The following CAMTA1 variants were observed in gnomAD, a reference collection of about 807,000 sequenced individuals.
CAMTA1 encodes the protein calmodulin binding transcription activator 1, also known as calmodulin-binding transcription activator 1.
In CAMTA1, 27 loss-of-function variants were observed where a neutral mutation model predicts 170.9. That is an observed-to-expected ratio of 0.16 (90% CI 0.12 to 0.22). The LOEUF (loss-of-function observed/expected upper bound fraction) is 0.22. CAMTA1 is among the 10% of genes least tolerant of loss of function. CAMTA1 has a pLI of 1.00. For synonymous variants in CAMTA1, 833 were observed against 891.5 expected, an observed-to-expected ratio of 0.93 and a Z score of 1.17; for missense variants, 1,619 against 2,217.2, an observed-to-expected ratio of 0.73 and a Z score of 5.42.
chr1:7,519,969 C>A (rs2094338697), intron 6 of CAMTA1, among the ~76,000 whole-genome samples: 1 of 151,258 alleles, frequency 6.6e-6, no homozygotes, highest in Admixed American at 6.6e-5. Flanking sequence ...GGCCCACAGT[C>A]CACAGCACCA....
intron 1 of CAMTA1, among the ~76,000 whole-genome samples, chr1:6,816,715 G>A (rs568654333): frequency 1.5e-3 from 227 of 152,264 alleles, no homozygotes; most frequent in African/African-American, 5.3e-3. Flanking sequence ...GTGAGTGGTG[G>A]ACTGGAACAC....
rs1006841193 is a variant in CAMTA1, at chr1:7,636,157, C to G, written c.511-4243C>G. ...TGGAGGCTCCCGGGAAGGGACCCCC[C>G]ACCCCCGGTGTTGGGCAGGTGCCCT... On this transcript the variant is annotated intron_variant, in intron 6 of 22. Coordinates refer to ENST00000303635, the MANE Select transcript of CAMTA1 (RefSeq NM_015215.4). 6.6e-5 allele frequency among the ~76,000 whole-genome samples: 10 copies of G among 151,812 alleles called. No homozygotes were observed. The East Asian group carries it at 1.9e-3, about 29-fold the overall frequency.
chr1:7,531,381 G>A (rs1423878553), intron 6 of CAMTA1, among the ~76,000 whole-genome samples: 1 of 152,186 alleles, frequency 6.6e-6, no homozygotes, highest in African/African-American at 2.4e-5. Flanking sequence ...CAGACTCGCT[G>A]GGGGTTCCAT....
At chr1:7,310,646 T>TTTC (rs1676402351) in intron 5 of CAMTA1, among the ~76,000 whole-genome samples, 1 of 30,222 alleles carries the variant, frequency 3.3e-5, no homozygotes, top group African/African-American at 1.2e-4. Context: ...CTTTCTTTCT[T>TTTC]TTTTCTTTCT....
chr1:7,331,991 TC>T (rs1285765125), intron 5 of CAMTA1, among the ~76,000 whole-genome samples: 1 of 152,140 alleles, frequency 6.6e-6, no homozygotes, highest in Non-Finnish European at 1.5e-5. Flanking sequence ...AAGATTGGCT[TC>T]CCCCACAACA....
intron 4 of CAMTA1, among the ~76,000 whole-genome samples, chr1:7,132,405 G>T (rs952846506): frequency 6.6e-5 from 10 of 152,200 alleles, no homozygotes; most frequent in African/African-American, 2.4e-4. Flanking sequence ...CTCCTGGGTA[G>T]CTAGGACTAC....
In CAMTA1 at chr1:7,674,816, G is replaced by A. The variant is rs1267263398; in HGVS notation, c.2780-2783G>A. 6.6e-6 allele frequency among the ~76,000 whole-genome samples: 1 copy of A among 152,014 alleles called. No homozygotes were observed. The highest frequency in any genetic ancestry group is 1.5e-5 in the Non-Finnish European group (1 of 68,008). Reference sequence around the variant, plus strand: ...ACAAACAAACAAAAACAACAAATGAGGTGTAGAATTGGGTTTCAAAACAAT... The same window carrying A: ...ACAAACAAACAAAAACAACAAATGAAGTGTAGAATTGGGTTTCAAAACAAT... On this transcript the variant is annotated intron_variant, in intron 10 of 22. Coordinates refer to ENST00000303635, the MANE Select transcript of CAMTA1 (RefSeq NM_015215.4). This position sits in a 1 kb window ranked among gnomAD's most constrained non-coding sequence, Gnocchi z 4.1.
chr1:7,208,342 A>G (rs1658137725), intron 4 of CAMTA1, among the ~76,000 whole-genome samples: 1 of 152,256 alleles, frequency 6.6e-6, no homozygotes, highest in Non-Finnish European at 1.5e-5. Context: ...AAATTCTGCA[A>G]TGATCAGGTC....
intron 6 of CAMTA1, among the ~76,000 whole-genome samples, chr1:7,632,848 C>T (rs533012095): frequency 2.0e-5 from 3 of 152,376 alleles, no homozygotes; most frequent in South Asian, 2.1e-4. Flanking sequence ...GGGCTGATTG[C>T]GCACGCCCAG....
chr1:7,069,290 A>G (rs546788999), intron 3 of CAMTA1, among the ~76,000 whole-genome samples: 84 of 152,324 alleles, frequency 5.5e-4, no homozygotes, highest in African/African-American at 1.9e-3. Context: ...AGACCCTCCA[A>G]GGACAAATAT....
At chr1:6,814,523 G>C (rs900816480) in intron 1 of CAMTA1, among the ~76,000 whole-genome samples, 2 of 152,152 alleles carry the variant, frequency 1.3e-5, no homozygotes, top group East Asian at 3.9e-4. Flanking sequence ...AGCACAGGCA[G>C]CAGAGCCACT....
chr1:7,239,986 TA>T (rs1471359403), intron 4 of CAMTA1, among the ~76,000 whole-genome samples: 1 of 152,168 alleles, frequency 6.6e-6, no homozygotes, highest in African/African-American at 2.4e-5. Flanking sequence ...ATTCATGACC[TA>T]ATCACCTCTT....
rs577991850 is a variant in CAMTA1 at position 7,565,804 on chromosome 1, C to T, written c.511-74596C>T. Among the ~76,000 whole-genome samples, 1 of 152,288 alleles carries T rather than the reference C, an allele frequency of 6.6e-6. No homozygotes were observed. Among genetic ancestry groups the T allele is most frequent in the East Asian group, 1.9e-4 (1 of 5,172 alleles). On this transcript the variant is annotated intron_variant, in intron 6 of 22. Coordinates refer to ENST00000303635, the MANE Select transcript of CAMTA1 (RefSeq NM_015215.4). This position sits in a 1 kb window ranked among gnomAD's most constrained non-coding sequence, Gnocchi z 4.5. ...GGGTGGCTTAAACAGTAGACATTTACACTCTCACAGTTCTGGAAGCTGGAG... is the reference window on the plus strand; with the variant it reads ...GGGTGGCTTAAACAGTAGACATTTATACTCTCACAGTTCTGGAAGCTGGAG...
intron 5 of CAMTA1, among the ~76,000 whole-genome samples, chr1:7,327,533 G>A (rs2082763863): frequency 6.6e-6 from 1 of 152,150 alleles, no homozygotes; most frequent in Non-Finnish European, 1.5e-5. Context: ...TTGGAGACAT[G>A]AGGAGAAGGT....
At chr1:7,308,074 T>A (rs1237594505) in intron 5 of CAMTA1, among the ~76,000 whole-genome samples, 1 of 151,810 alleles carries the variant, frequency 6.6e-6, no homozygotes, top group African/African-American at 2.4e-5. Flanking sequence ...TTTTTTTAAA[T>A]CTGGGTGCAT....
At chr1:7,484,293 C>T (rs1422886275) in intron 6 of CAMTA1, among the ~76,000 whole-genome samples, 3 of 152,198 alleles carry the variant, frequency 2.0e-5, no homozygotes, top group Admixed American at 2.0e-4. Flanking sequence ...AGCCTCTCCC[C>T]AGGAGGCCTG....
At chr1:7,716,240 C>T (rs1015874720) in intron 11 of CAMTA1, among the ~76,000 whole-genome samples, 1 of 152,010 alleles carries the variant, frequency 6.6e-6, no homozygotes, top group Non-Finnish European at 1.5e-5. Context: ...ACTATGTGGC[C>T]CAGGCTGGTC....
intron 5 of CAMTA1, among the ~76,000 whole-genome samples, chr1:7,449,405 A>G (rs1557733576): frequency 6.6e-6 from 1 of 152,194 alleles, no homozygotes; most frequent in Non-Finnish European, 1.5e-5. Flanking sequence ...GGATGCTGGC[A>G]GCGTGTGGGA....
chr1:7,279,816 GAGA>G (rs35313317), intron 5 of CAMTA1, among the ~76,000 whole-genome samples: 2 of 152,080 alleles, frequency 1.3e-5, no homozygotes, highest in Non-Finnish European at 2.9e-5. Context: ...TCCCTGGAAT[GAGA>G]AGAAGCCTGA....
Sources: allele counts gnomAD v4.1 joint callset (sites outside exome capture counted in the v4.1 genomes callset), GRCh38; gene constraint gnomAD v4.1.1; non-coding constraint Gnocchi (gnomAD v3.1); transcripts MANE v1.5; gene names NCBI Gene and HGNC (gene_info 2026-07-23, HGNC 2026-07-21).